The following CDC14B variants were observed in gnomAD, a reference collection of about 807,000 sequenced individuals.
The protein encoded by CDC14B is dual specificity protein phosphatase CDC14B.
A neutral mutation model predicts 64.2 loss-of-function variants in CDC14B; 22 were observed. That is an observed-to-expected ratio of 0.34 (90% confidence interval 0.24 to 0.49). CDC14B has a LOEUF of 0.49. Among genes scored for constraint, CDC14B ranks in the 20% least tolerant of loss-of-function variants. The pLI, the probability that CDC14B is intolerant of heterozygous loss-of-function variation, is 0.99. For missense variants in CDC14B, 498 were observed against 629.9 expected, an observed-to-expected ratio of 0.79 and a Z score of 2.24; for synonymous variants, 191 against 215.8, an observed-to-expected ratio of 0.89 and a Z score of 1.01.
intron 1 of CDC14B, among the ~76,000 whole-genome samples, chr9:96,612,674 T>A (rs1357850929): frequency 6.6e-6 from 1 of 152,208 alleles, no homozygotes; most frequent in Non-Finnish European, 1.5e-5. Flanking sequence ...CAATATGCGA[T>A]ATGGTTACTC....
chr9:96,553,080 T>G (rs1842035094), intron 4 of CDC14B, among the ~76,000 whole-genome samples: 1 of 152,234 alleles, frequency 6.6e-6, no homozygotes, highest in South Asian at 2.1e-4. Flanking sequence ...GATTCACTGA[T>G]GTACTTAGCT....
chr9:96,560,682 C>T (rs1042226199), intron 4 of CDC14B, among the ~76,000 whole-genome samples: 5 of 147,214 alleles, frequency 3.4e-5, no homozygotes, highest in Non-Finnish European at 5.9e-5. Flanking sequence ...CACCCAGGTT[C>T]AAGCAATTCC....
At chr9:96,563,480 G>A (rs1042820097) in intron 3 of CDC14B, among the ~76,000 whole-genome samples, 8 of 151,896 alleles carry the variant, frequency 5.3e-5, no homozygotes, top group African/African-American at 1.7e-4. Flanking sequence ...GAGAAACTCC[G>A]TCTCTACTAA....
rs944302023 is a variant in CDC14B at position 96,501,026 on chromosome 9, G to A, written c.*2727C>T. On this transcript the variant is annotated 3_prime_UTR_variant, in exon 14 of 14. Coordinates refer to ENST00000375241, the MANE Select transcript of CDC14B (RefSeq NM_033331.4). ...GGAAGTAGGTAGGGGACAGGCTAGG[G>A]GCATCAAGCTCAGAACAGGGGAATT... 2 of 152,396 alleles carry A rather than the reference G, an allele frequency of 1.3e-5. No individual in the cohort carries two copies. The highest frequency in any genetic ancestry group is 4.8e-5 in the African/African-American group (2 of 41,454). 9.4% of individuals were successfully genotyped at this position (152,396 alleles called of 1,614,324 possible). A position where few individuals can be genotyped will look rare whatever the true frequency, so the allele number is the denominator to read the frequency against.
At chr9:96,519,266 A>G (rs962520507) in intron 12 of CDC14B, among the ~76,000 whole-genome samples, 28 of 152,384 alleles carry the variant, frequency 1.8e-4, no homozygotes, top group African/African-American at 6.5e-4. Context: ...TATGCAATCT[A>G]CCAAATCCAT....
At chr9:96,610,662 AC>A (rs1193892787) in intron 1 of CDC14B, among the ~76,000 whole-genome samples, 3 of 149,864 alleles carry the variant, frequency 2.0e-5, no homozygotes, top group Non-Finnish European at 4.4e-5. Flanking sequence ...AAAAAAAAAA[AC>A]AGGAGTAGCT....
chr9:96,512,649 G>C (rs749563291), intron 12 of CDC14B, among the ~76,000 whole-genome samples: 48 of 152,308 alleles, frequency 3.2e-4, no homozygotes, highest in Non-Finnish European at 5.7e-4. Context: ...TTTATATAAA[G>C]TGATGGGGAA....
chr9:96,581,989 C>G (rs1845188860), intron 1 of CDC14B, among the ~76,000 whole-genome samples: 1 of 152,176 alleles, frequency 6.6e-6, no homozygotes, highest in Non-Finnish European at 1.5e-5. Context: ...GCTGGAGACA[C>G]AAAGCTGACT....
intron 1 of CDC14B, among the ~76,000 whole-genome samples, chr9:96,604,655 GC>G (rs1457668626): frequency 6.6e-6 from 1 of 150,982 alleles, no homozygotes; most frequent in Non-Finnish European, 1.5e-5. Flanking sequence ...ACCACACCTG[GC>G]CTTTTTTTTT....
intron 5 of CDC14B, among the ~76,000 whole-genome samples, chr9:96,549,441 C>T (rs970856070): frequency 2.6e-5 from 4 of 151,886 alleles, no homozygotes; most frequent in South Asian, 4.2e-4. Context: ...CTGAGGCGGG[C>T]GGATCATGAG....
In CDC14B at chr9:96,520,474, T is replaced by G. The variant is rs151104178; in HGVS notation, c.1343+2032A>C. 2.8e-3 allele frequency among the ~76,000 whole-genome samples: 430 copies of G among 152,254 alleles called. 2 individuals are homozygous for G. The highest frequency in any genetic ancestry group is 0.01 in the African/African-American group (417 of 41,560). On this transcript the variant is annotated intron_variant, in intron 12 of 13. Transcript: ENST00000375241. ...AGTCCTGTTGCCTCAGCCTCCCGCA[T>G]AGCCTGGTCTACAGGTGCGCACAGC...
At position 96,619,283 on chromosome 9, in the gene CDC14B, G is replaced by A; in HGVS notation, c.96C>T (p.Arg32=). ...SSTSPGVKKI[R]SSTQQDPRRR... is the part of the protein sequence containing the mutation. ...GGCGCGGGTCTTGCTGCGTGGAGCT[G>A]CGGATCTTCTTCACACCCGGCGAGG... Residue 32 remains arginine, a synonymous_variant, in exon 1 of 14, where the codon CGC becomes CGT. Transcript: ENST00000375241. 2 of 1,353,428 alleles carry A rather than the reference G, an allele frequency of 1.5e-6. No individual in the cohort carries two copies. The highest frequency in any genetic ancestry group is 1.9e-6 in the Non-Finnish European group (2 of 1,047,928). The allele number at this position is 1,353,428 out of a possible 1,614,324, so 83.8% of individuals were successfully genotyped here.
At chr9:96,548,716 C>T (rs1482868635) in intron 5 of CDC14B, among the ~76,000 whole-genome samples, 2 of 151,688 alleles carry the variant, frequency 1.3e-5, no homozygotes, top group African/African-American at 2.4e-5. Flanking sequence ...CATGAGAATT[C>T]CCTGAACCTG....
chr9:96,528,969 GT>G (rs1838010036), intron 9 of CDC14B, among the ~76,000 whole-genome samples: 1 of 152,086 alleles, frequency 6.6e-6, no homozygotes. Context: ...GTTTTTAGGC[GT>G]TTTCTCTATA....
chr9:96,490,955 C>T (rs1485748882), exon 14 of CDC14B: 1 of 152,236 alleles, frequency 6.6e-6, no homozygotes, highest in East Asian at 1.9e-4. Flanking sequence ...TCTAGAGTTC[C>T]TCTTTATTGC....
chr9:96,515,782 C>T lies in CDC14B; in HGVS notation c.1344-5993G>A. 6.3e-7 allele frequency: 1 copy of T among 1,597,204 alleles called. No individual in the cohort carries two copies. Among genetic ancestry groups the T allele is most frequent in the Non-Finnish European group, 8.5e-7 (1 of 1,172,468 alleles). On this transcript the variant is annotated intron_variant, in intron 12 of 13. Coordinates refer to ENST00000375241, the MANE Select transcript of CDC14B (RefSeq NM_033331.4). This position sits in a 1 kb window ranked among gnomAD's most constrained non-coding sequence, Gnocchi z 4.3. ...CTACACAGTGCAGAGGTCAGCACAGCTAGGGGACATCTGGAAAGGGGTGAA... is the reference window on the plus strand; with the variant it reads ...CTACACAGTGCAGAGGTCAGCACAGTTAGGGGACATCTGGAAAGGGGTGAA...
intron 12 of CDC14B, among the ~76,000 whole-genome samples, chr9:96,516,566 G>A (rs1054689373): frequency 6.6e-6 from 1 of 151,298 alleles, no homozygotes; most frequent in Non-Finnish European, 1.5e-5. Flanking sequence ...TGCAACCTCC[G>A]CTTCCCAGGT....
At chr9:96,505,686 G>A (rs1004627409) in intron 13 of CDC14B, among the ~76,000 whole-genome samples, 1 of 152,206 alleles carries the variant, frequency 6.6e-6, no homozygotes, top group East Asian at 1.9e-4. Flanking sequence ...GTGGGAGGTA[G>A]AGAAGCCCAC....
intron 1 of CDC14B, among the ~76,000 whole-genome samples, chr9:96,594,905 C>A (rs979431898): frequency 6.6e-6 from 1 of 152,114 alleles, no homozygotes; most frequent in African/African-American, 2.4e-5. Flanking sequence ...GTAATCCCAG[C>A]ACTTTGGCTG....
Sources: allele counts gnomAD v4.1 joint callset (sites outside exome capture counted in the v4.1 genomes callset), GRCh38; gene constraint gnomAD v4.1.1; non-coding constraint Gnocchi (gnomAD v3.1); transcripts MANE v1.5; gene names NCBI Gene and HGNC (gene_info 2026-07-23, HGNC 2026-07-21).